Variants in IL2RA observed in about 807,000 individuals in gnomAD.
IL2RA encodes interleukin-2 receptor subunit alpha.
Under a neutral mutation model 37.8 loss-of-function variants are expected in IL2RA, and 24 were observed. That is an observed-to-expected ratio of 0.63 (90% CI 0.46 to 0.89). IL2RA has a LOEUF of 0.89. Among genes scored for constraint, IL2RA ranks in the 40% least tolerant of loss-of-function variants. The pLI is 0.00. For missense variants in IL2RA, 319 were observed against 348.6 expected, an observed-to-expected ratio of 0.92 and a Z score of 0.68; for synonymous variants, 125 against 114.6, an observed-to-expected ratio of 1.09 and a Z score of -0.58.
Position 6,018,077 on chromosome 10 carries a change from C to T in IL2RA, c.770G>A (p.Ser257Asn). The change falls in exon 7 of 8, where the codon AGT (serine) becomes AAT (asparagine). Residue 257 changes from serine to asparagine, a missense_variant. Coordinates refer to ENST00000379959, the MANE Select transcript of IL2RA (RefSeq NM_000417.3). This position sits in a 1 kb window ranked among gnomAD's most constrained non-coding sequence, Gnocchi z 5.1. ...CTGTCTCCGCTGCCAGGTGAGCCCA[C>T]TCAGGAGGAGGACGCTGATCAGCAG... ...VFLLISVLLL[S>N]GLTWQRRQRK... The T allele has an allele frequency of 6.2e-7, 1 of 1,614,010 alleles. No homozygotes were observed. The highest frequency in any genetic ancestry group is 1.1e-5 in the South Asian group (1 of 91,070).
At position 6,048,294 on chromosome 10, in the gene IL2RA, G is replaced by T. The variant is rs982803909; in HGVS notation, c.64+13794C>A. ...TTATTAGGTGCATGGAGGACAGCAA[G>T]GAAGAAATGAGGATTTTGCCCAGAT... On this transcript the variant is annotated intron_variant, in intron 1 of 7. Transcript: ENST00000379959. This position sits in a 1 kb window ranked among gnomAD's most constrained non-coding sequence, Gnocchi z 5.3. Among the ~76,000 whole-genome samples the T allele has an allele frequency of 1.2e-4, 18 of 152,240 alleles. No homozygotes were observed. Among genetic ancestry groups the T allele is most frequent in the Admixed American group, 4.6e-4 (7 of 15,284 alleles).
Position 6,021,588 on chromosome 10 carries a change from G to C in IL2RA, c.473C>G (p.Ala158Gly). ...VYYQCVQGYRALHRGPAESVC... is the reference protein window; with the variant it reads ...VYYQCVQGYRGLHRGPAESVC... Reference sequence around the variant, plus strand: ...GCTCTCAGCAGGACCTCTGTGTAGAGCCCTGTATCCCTGGACGCACTGATA... The same window carrying C: ...GCTCTCAGCAGGACCTCTGTGTAGACCCCTGTATCCCTGGACGCACTGATA... Residue 158 changes from alanine to glycine, a missense_variant, in exon 4 of 8, where the codon GCT becomes GGT. Ala to Gly is a moderately conservative substitution (Grantham distance 60). Transcript: ENST00000379959. This position sits in a 1 kb window ranked among gnomAD's most constrained non-coding sequence, Gnocchi z 4.9. The C allele has an allele frequency of 6.2e-7, 1 of 1,613,446 alleles. No individual in the cohort carries two copies. Among genetic ancestry groups the C allele is most frequent in the Non-Finnish European group, 8.5e-7 (1 of 1,179,770 alleles).
At chr10:6,052,897 G>A (rs951799435) in intron 1 of IL2RA, among the ~76,000 whole-genome samples, 8 of 151,880 alleles carry the variant, frequency 5.3e-5, no homozygotes, top group Admixed American at 3.9e-4. Flanking sequence ...ATGCCCCCAA[G>A]CTGCTCTGGG....
In IL2RA at chr10:6,021,372, C is replaced by G. The variant is rs1839384127; in HGVS notation, c.583+106G>C. The G allele has an allele frequency of 2.1e-6, 2 of 967,210 alleles. No homozygotes were observed. Among genetic ancestry groups the G allele is most frequent in the Admixed American group, 1.7e-5 (1 of 58,002 alleles). 59.9% of individuals were successfully genotyped at this position (967,210 alleles called of 1,614,324 possible). On this transcript the variant is annotated intron_variant, in intron 4 of 7. Transcript: ENST00000379959. This position sits in a 1 kb window ranked among gnomAD's most constrained non-coding sequence, Gnocchi z 4.9. Reference sequence around the variant, plus strand: ...ATGGAAGCCCAGGGAGATCAAGGGTCTTGTCCAAGGACCACTCTTGTCCAG... The same window carrying G: ...ATGGAAGCCCAGGGAGATCAAGGGTGTTGTCCAAGGACCACTCTTGTCCAG...
chr10:6,052,710 A>C (rs1839985204), intron 1 of IL2RA, among the ~76,000 whole-genome samples: 1 of 152,166 alleles, frequency 6.6e-6, no homozygotes, highest in Admixed American at 6.5e-5. Flanking sequence ...GAGTACAGAA[A>C]GCAGCGGCTT....
Position 6,056,861 on chromosome 10 carries a change from T to C in IL2RA, c.64+5227A>G, listed in dbSNP as rs706779. Among the ~76,000 whole-genome samples, 72,240 of 152,046 alleles carry C rather than the reference T, an allele frequency of 0.48. 17,561 individuals are homozygous for C. The highest frequency in any genetic ancestry group is 0.66 in the Middle Eastern group (194 of 294). On this transcript the variant is annotated intron_variant, in intron 1 of 7. Transcript: ENST00000379959. The surrounding 1 kb of genome is among the most constrained non-coding windows in gnomAD (Gnocchi z 5.0). The stretch of plus-strand genomic sequence containing the variant: ...TCTCCCATGGGAGACAAGGACATTG[T>C]TTGAGGGGAAAATTCCTACACAAGC...
intron 1 of IL2RA, among the ~76,000 whole-genome samples, chr10:6,055,350 G>A (rs1160753210): frequency 6.6e-6 from 1 of 152,048 alleles, no homozygotes; most frequent in Non-Finnish European, 1.5e-5. Context: ...TGGAAGGGAA[G>A]GTATTGTGAT....
chr10:6,026,615 A>G lies in IL2RA; in HGVS notation c.65-590T>C, dbSNP rs546075000. Among the ~76,000 whole-genome samples the G allele has an allele frequency of 1.2e-4, 19 of 152,334 alleles. No homozygotes were observed. The South Asian group carries it at 3.9e-3, about 32-fold the overall frequency. On this transcript the variant is annotated intron_variant, in intron 1 of 7. Transcript: ENST00000379959. ...CTCAGCCTGAAAAATGGACTCTGGT[A>G]TCTCACTAAAGGCACCAGAAGCAGT...
At position 6,025,971 on chromosome 10, in the gene IL2RA, G is replaced by A. The variant is rs1839477323; in HGVS notation, c.119C>T (p.Ala40Val). ...EIPHATFKAM[A>V]YKEGTMLNCE... Reference sequence around the variant, plus strand: ...GTTCAACATGGTTCCTTCCTTGTAGGCCATGGCTTTGAATGTGGCGTGTGG... The same window carrying A: ...GTTCAACATGGTTCCTTCCTTGTAGACCATGGCTTTGAATGTGGCGTGTGG... The change falls in exon 2 of 8, where the codon GCC becomes GTC. Residue 40 changes from alanine (A) to valine (V), a missense_variant. Coordinates refer to ENST00000379959, the MANE Select transcript of IL2RA (RefSeq NM_000417.3). This position sits in a 1 kb window ranked among gnomAD's most constrained non-coding sequence, Gnocchi z 4.4. The A allele has an allele frequency of 6.2e-7, 1 of 1,613,890 alleles. No individual in the cohort carries two copies. The highest frequency in any genetic ancestry group is 1.3e-5 in the African/African-American group (1 of 74,914).
chr10:6,058,554 G>C lies in IL2RA; in HGVS notation c.64+3534C>G, dbSNP rs545781704. Among the ~76,000 whole-genome samples, 3 of 152,086 alleles carry C rather than the reference G, an allele frequency of 2.0e-5. No individual in the cohort carries two copies. Among genetic ancestry groups the C allele is most frequent in the Non-Finnish European group, 4.4e-5 (3 of 68,018 alleles). On this transcript the variant is annotated intron_variant, in intron 1 of 7. Coordinates refer to ENST00000379959, the MANE Select transcript of IL2RA (RefSeq NM_000417.3). The surrounding 1 kb of genome is among the most constrained non-coding windows in gnomAD (Gnocchi z 4.2). ...AGAAGTTGAAAGATTAAATGTGAAG[G>C]GTTAAACATTTTGTGTTTGACTGAC... is the stretch of plus-strand genomic sequence containing the variant.
chr10:6,021,335 G>C lies in IL2RA; in HGVS notation c.583+143C>G, dbSNP rs940205102. 1 of 727,058 alleles carries C rather than the reference G, an allele frequency of 1.4e-6. No homozygotes were observed. The highest frequency in any genetic ancestry group is 1.6e-5 in the South Asian group (1 of 63,248). The allele number at this position is 727,058 out of a possible 1,614,324, so 45.0% of individuals were successfully genotyped here. A position where few individuals can be genotyped will look rare whatever the true frequency, so the allele number is the denominator to read the frequency against. ...TATTTAAATTTTTTTTTTTTTCTCA[G>C]AATGAGAAAAAATGGAAGCCCAGGG... On this transcript the variant is annotated intron_variant, in intron 4 of 7. Coordinates refer to ENST00000379959, the MANE Select transcript of IL2RA (RefSeq NM_000417.3). This position sits in a 1 kb window ranked among gnomAD's most constrained non-coding sequence, Gnocchi z 4.9.
rs112185090 is a variant in IL2RA, at chr10:6,017,981, G to C, written c.794+72C>G. ...ATTAGAGAGAGCATGGAGGGGGTAGGGGGGAGGCAGGGTGGGGCTGGGTAC... is the reference window on the plus strand; with the variant it reads ...ATTAGAGAGAGCATGGAGGGGGTAGCGGGGAGGCAGGGTGGGGCTGGGTAC... On this transcript the variant is annotated intron_variant, in intron 7 of 7. Coordinates refer to ENST00000379959, the MANE Select transcript of IL2RA (RefSeq NM_000417.3). The C allele has an allele frequency of 4.1e-4, 495 of 1,217,054 alleles. 1 individual carries two copies. In the African/African-American group the frequency reaches 4.5e-3, roughly 11 times the overall value. 75.4% of individuals were successfully genotyped at this position (1,217,054 alleles called of 1,614,324 possible).
rs1402301112 is a variant in IL2RA at position 6,020,936 on chromosome 10, TG to T, written c.583+541del. On this transcript the variant is annotated intron_variant, in intron 4 of 7. Coordinates refer to ENST00000379959, the MANE Select transcript of IL2RA (RefSeq NM_000417.3). This position sits in a 1 kb window ranked among gnomAD's most constrained non-coding sequence, Gnocchi z 5.6. ...GGCTGAGCATTTGCATGAGTATGTG[TG>T]TGTGTGTGTGTGTGTGCGCGCATGT... Among the ~76,000 whole-genome samples, 3 of 137,652 alleles carry T rather than the reference TG, an allele frequency of 2.2e-5. No homozygotes were observed. The highest frequency in any genetic ancestry group is 4.8e-5 in the Non-Finnish European group (3 of 62,992). The allele number at this position is 137,652 out of a possible 152,430, so 90.3% of individuals were successfully genotyped here. A position where few individuals can be genotyped will look rare whatever the true frequency, so the allele number is the denominator to read the frequency against.
At chr10:6,053,884 T>C (rs1840003423) in intron 1 of IL2RA, among the ~76,000 whole-genome samples, 1 of 152,216 alleles carries the variant, frequency 6.6e-6, no homozygotes, top group Non-Finnish European at 1.5e-5. Flanking sequence ...TTGCACCAGC[T>C]TGTTCTTGCA....
chr10:6,052,648 C>A (rs1002005593), intron 1 of IL2RA, among the ~76,000 whole-genome samples: 6 of 150,798 alleles, frequency 4.0e-5, no homozygotes, highest in African/African-American at 1.5e-4. Flanking sequence ...CGCGCCCCCC[C>A]TCACGCCTCA....
Position 6,021,764 on chromosome 10 carries a change from G to A in IL2RA, c.368-71C>T. 2 of 1,197,134 alleles carry A rather than the reference G, an allele frequency of 1.7e-6. No individual in the cohort carries two copies. Among genetic ancestry groups the A allele is most frequent in the Middle Eastern group, 1.9e-4 (1 of 5,178 alleles). The allele number at this position is 1,197,134 out of a possible 1,614,324, so 74.2% of individuals were successfully genotyped here. A position where few individuals can be genotyped will look rare whatever the true frequency, so the allele number is the denominator to read the frequency against. ...CGCGAGTGAGTCCAGGTTGCCTCTTGCTAGGGACTGGACCTTGGTTCTTAC... is the reference window on the plus strand; with the variant it reads ...CGCGAGTGAGTCCAGGTTGCCTCTTACTAGGGACTGGACCTTGGTTCTTAC... On this transcript the variant is annotated intron_variant, in intron 3 of 7. Transcript: ENST00000379959. This position sits in a 1 kb window ranked among gnomAD's most constrained non-coding sequence, Gnocchi z 4.9.
At position 6,021,881 on chromosome 10, in the gene IL2RA, C is replaced by T. The variant is rs12722693; in HGVS notation, c.368-188G>A. On this transcript the variant is annotated intron_variant, in intron 3 of 7. Transcript: ENST00000379959. This position sits in a 1 kb window ranked among gnomAD's most constrained non-coding sequence, Gnocchi z 4.9. Reference sequence around the variant, plus strand: ...GTTTGCTAGGCCCTGTAGGAAGGCACGAAGACCCTGTCACTCCTGCAAGGG... The same window carrying T: ...GTTTGCTAGGCCCTGTAGGAAGGCATGAAGACCCTGTCACTCCTGCAAGGG... Among the ~76,000 whole-genome samples, 1 of 152,018 alleles carries T rather than the reference C, an allele frequency of 6.6e-6. No homozygotes were observed. The highest frequency in any genetic ancestry group is 1.5e-5 in the Non-Finnish European group (1 of 67,996).
chr10:6,055,999 T>C (rs1045552921), intron 1 of IL2RA, among the ~76,000 whole-genome samples: 4 of 152,252 alleles, frequency 2.6e-5, no homozygotes, highest in African/African-American at 9.6e-5. Context: ...GTGGGAACTG[T>C]GTTTTCTTTT....
At chr10:6,049,433 C>G (rs1196578229) in intron 1 of IL2RA, among the ~76,000 whole-genome samples, 1 of 152,208 alleles carries the variant, frequency 6.6e-6, no homozygotes, top group African/African-American at 2.4e-5. Flanking sequence ...AATACCCTCA[C>G]AGACACCCCC....
Sources: gnomAD v4.1 joint callset for allele counts (sites outside exome capture counted in the v4.1 genomes callset) on GRCh38, gnomAD v4.1.1 for gene constraint, Gnocchi (gnomAD v3.1) non-coding constraint, MANE v1.5 for transcripts, NCBI Gene and HGNC (gene_info 2026-07-23, HGNC 2026-07-21) for gene names.